Variants in SCEL observed in about 807,000 individuals in gnomAD.
SCEL encodes sciellin.
In SCEL, 113 loss-of-function variants were observed where a neutral mutation model predicts 117.6. That is an observed-to-expected ratio of 0.96 (90% CI 0.83 to 1.12). The LOEUF (loss-of-function observed/expected upper bound fraction) is 1.12. Among genes scored for constraint, SCEL ranks in the 50% most tolerant of loss-of-function variants. The probability of loss-of-function intolerance (pLI) is 0.00; values close to 1 mark genes in which losing one functional copy is unlikely to be tolerated. For synonymous variants in SCEL, 270 were observed against 256.2 expected, an observed-to-expected ratio of 1.05 and a Z score of -0.51; for missense variants, 785 against 810.8, an observed-to-expected ratio of 0.97 and a Z score of 0.39.
At chr13:77,607,673 TAA>T (rs1309237292) in intron 19 of SCEL, among the ~76,000 whole-genome samples, 3 of 152,238 alleles carry the variant, frequency 2.0e-5, no homozygotes, top group African/African-American at 7.2e-5. Flanking sequence ...TGGAGGTTGA[TAA>T]AGAGTATGCC....
chr13:77,634,540 G>A lies in SCEL; in HGVS notation c.1763+90G>A, dbSNP rs139589653. On this transcript the variant is annotated intron_variant, in intron 29 of 32. Transcript: ENST00000349847. Reference sequence around the variant, plus strand: ...AAGAGATGCTATTGTTTTAGAGTGTGCTTCTTTCAAATAGAAGACCGTTTA... The same window carrying A: ...AAGAGATGCTATTGTTTTAGAGTGTACTTCTTTCAAATAGAAGACCGTTTA... 994 of 881,402 alleles carry A rather than the reference G, an allele frequency of 1.1e-3. 11 individuals carry two copies. In the African/African-American group the frequency reaches 0.015, roughly 14 times the overall value. The allele number at this position is 881,402 out of a possible 1,614,324, so 54.6% of individuals were successfully genotyped here.
chr13:77,610,180 C>A, intron 22 of SCEL, 74 bp downstream of exon 22: 2 of 1,068,048 alleles, frequency 1.9e-6, no homozygotes, highest in Non-Finnish European at 2.7e-6. Flanking sequence ...ACAAATTGTG[C>A]GGTGGCTTAC....
In SCEL at chr13:77,559,814, T is replaced by A. The variant is rs1411421731; in HGVS notation, c.172T>A (p.Tyr58Asn). The A allele has an allele frequency of 5.0e-6, 8 of 1,613,590 alleles. No homozygotes were observed. In the Admixed American group the frequency reaches 1.3e-4, roughly 27 times the overall value. Reference protein sequence around the residue: ...KRPEEEKDENYGRVVLNRHNS... With the variant: ...KRPEEEKDENNGRVVLNRHNS... ...GTTCTTTCTTTGCAGAGATGAAAAT[T>A]ACGGTAGGGTGGTGCTCAACCGACA... Residue 58 changes from tyrosine (Y) to asparagine (N), a missense_variant, in exon 4 of 33, where the codon TAC (tyrosine) becomes AAC (asparagine). By Grantham distance (143) the Tyr-to-Asn change is moderately radical. Transcript: ENST00000349847.
intron 28 of SCEL, among the ~76,000 whole-genome samples, chr13:77,633,849 G>A (rs1217874922): frequency 1.3e-5 from 2 of 152,220 alleles, no homozygotes; most frequent in Non-Finnish European, 2.9e-5. Context: ...TAGTGAATGT[G>A]TCATTGTGTG....
At chr13:77,599,638 C>A in intron 14 of SCEL, 51 bp from the exon 15 acceptor site, 1 of 1,325,270 alleles carries the variant, frequency 7.5e-7, no homozygotes, top group South Asian at 1.2e-5. Context: ...AGATACCACA[C>A]AATTTCATTT....
chr13:77,616,062 C>T lies in SCEL; in HGVS notation c.1452-1537C>T, dbSNP rs17071310. Among the ~76,000 whole-genome samples the T allele has an allele frequency of 3.1e-3, 449 of 143,968 alleles. 2 individuals are homozygous for T. Among genetic ancestry groups the T allele is most frequent in the African/African-American group, 0.011 (424 of 38,710 alleles). The allele number at this position is 143,968 out of a possible 152,430, so 94.4% of individuals were successfully genotyped here. A position where few individuals can be genotyped will look rare whatever the true frequency, so the allele number is the denominator to read the frequency against. On this transcript the variant is annotated intron_variant, in intron 24 of 32. Coordinates refer to ENST00000349847, the MANE Select transcript of SCEL (RefSeq NM_144777.3). ...TGTGTGTGTGGCTGTCTGTAAAAGA[C>T]AGTATTAGGCTGTGATGTAAAATGT... is the stretch of plus-strand genomic sequence containing the variant.
At chr13:77,538,646 G>T (rs1359571267) in intron 1 of SCEL, among the ~76,000 whole-genome samples, 1 of 152,020 alleles carries the variant, frequency 6.6e-6, no homozygotes, top group Non-Finnish European at 1.5e-5. Context: ...TACTTAATTG[G>T]AACAGTGAAT....
chr13:77,586,228 G>T (rs545911536), intron 9 of SCEL, among the ~76,000 whole-genome samples: 6 of 152,158 alleles, frequency 3.9e-5, no homozygotes, highest in African/African-American at 1.4e-4. Flanking sequence ...ACTCACCTTT[G>T]TGACCTTCTC....
rs1245903679 is a variant in SCEL at position 77,535,717 on chromosome 13, G to C, written c.-127G>C. 6.6e-6 allele frequency: 1 copy of C among 152,134 alleles called. No homozygotes were observed. The highest frequency in any genetic ancestry group is 1.5e-5 in the Non-Finnish European group (1 of 68,020). The allele number at this position is 152,134 out of a possible 1,614,324, so 9.4% of individuals were successfully genotyped here. A position where few individuals can be genotyped will look rare whatever the true frequency, so the allele number is the denominator to read the frequency against. On this transcript the variant is annotated 5_prime_UTR_variant, in exon 1 of 33. Transcript: ENST00000349847. ...TCACTAATACAGTCAGGTAGAGGTT[G>C]AGACTCCACTGAATAAACTCTAGGT...
chr13:77,571,359 A>T (rs1282661178), intron 8 of SCEL, among the ~76,000 whole-genome samples: 1 of 126,038 alleles, frequency 7.9e-6, no homozygotes. Context: ...CCAGCCTGGG[A>T]GACAGCGAGA....
chr13:77,608,125 A>C lies in SCEL; in HGVS notation c.1217+10A>C, dbSNP rs1218632684. 1.9e-6 allele frequency: 3 copies of C among 1,599,442 alleles called. No individual in the cohort carries two copies. Among genetic ancestry groups the C allele is most frequent in the Non-Finnish European group, 2.6e-6 (3 of 1,169,402 alleles). On this transcript the variant is annotated intron_variant, in intron 20 of 32. Transcript: ENST00000349847. ...AGAGAAGTAACCAAGGGTGAGGACT[A>C]TGTCTTACCTCTCTTCCTTCCCCTT... is the stretch of plus-strand genomic sequence containing the variant.
intron 1 of SCEL, among the ~76,000 whole-genome samples, chr13:77,548,290 G>A (rs1347763798): frequency 1.3e-5 from 2 of 152,124 alleles, no homozygotes; most frequent in Admixed American, 6.5e-5. Flanking sequence ...CACAATCTGG[G>A]GCTTTTTAGC....
chr13:77,540,499 G>C (rs1028329179), intron 1 of SCEL, among the ~76,000 whole-genome samples: 1 of 152,210 alleles, frequency 6.6e-6, no homozygotes, highest in Non-Finnish European at 1.5e-5. Context: ...GGCAAGTGGC[G>C]ATGGTATCAC....
chr13:77,621,517 C>T (rs944636912), intron 27 of SCEL, among the ~76,000 whole-genome samples: 2 of 152,302 alleles, frequency 1.3e-5, no homozygotes, highest in Admixed American at 1.3e-4. Context: ...TAGATGTTCT[C>T]GAGCTGTCTT....
intron 29 of SCEL, 131 bp downstream of exon 29, chr13:77,634,581 C>A (rs2090184040): frequency 7.1e-6 from 4 of 565,996 alleles, no homozygotes; most frequent in Non-Finnish European, 9.3e-6. Context: ...ACATTGAGTT[C>A]TATATATATA....
intron 30 of SCEL, among the ~76,000 whole-genome samples, chr13:77,638,077 T>C (rs934894818): frequency 1.3e-5 from 2 of 152,226 alleles, no homozygotes; most frequent in African/African-American, 4.8e-5. Context: ...GCTGGAGATA[T>C]GACTCACTCA....
At chr13:77,573,152 A>G (rs2085738612) in intron 9 of SCEL, among the ~76,000 whole-genome samples, 1 of 152,238 alleles carries the variant, frequency 6.6e-6, no homozygotes, top group Non-Finnish European at 1.5e-5. Context: ...ATTCAATGTA[A>G]TAAATATTTA....
At chr13:77,632,973 G>T (rs1490016759) in intron 28 of SCEL, among the ~76,000 whole-genome samples, 3 of 152,188 alleles carry the variant, frequency 2.0e-5, no homozygotes, top group Admixed American at 6.5e-5. Flanking sequence ...GGCATTGCTG[G>T]TGTGAAAATG....
chr13:77,562,084 C>A (rs1484525666), intron 4 of SCEL, among the ~76,000 whole-genome samples: 2 of 152,158 alleles, frequency 1.3e-5, no homozygotes, highest in Non-Finnish European at 2.9e-5. Context: ...CCAAATAGCA[C>A]CTGTAGGAGG....
Sources: gnomAD v4.1 joint callset for allele counts (sites outside exome capture counted in the v4.1 genomes callset) on GRCh38, gnomAD v4.1.1 for gene constraint, MANE v1.5 for transcripts, NCBI Gene and HGNC (gene_info 2026-07-23, HGNC 2026-07-21) for gene names.